The following LYRM4 variants were observed in gnomAD, a reference collection of about 807,000 sequenced individuals.
LYRM4 encodes the protein LYR motif-containing protein 4.
LYRM4 carries 9 observed loss-of-function variants against 11.7 expected under a neutral mutation model. That is an observed-to-expected ratio of 0.77 (90% CI 0.46 to 1.34). The LOEUF is 1.34. Ranked by LOEUF, LYRM4 falls within the 40% of genes most tolerant of loss-of-function variation. LYRM4 has a pLI of 0.00. For missense variants in LYRM4, 133 were observed against 112.5 expected (o/e 1.18, Z -0.82); for synonymous variants, 42 against 40.4 (o/e 1.04, Z -0.15).
At chr6:5,115,794 G>C (rs902231438) in intron 2 of LYRM4, among the ~76,000 whole-genome samples, 1 of 152,078 alleles carries the variant, frequency 6.6e-6, no homozygotes, top group Non-Finnish European at 1.5e-5. Context: ...ATGGCCCTTG[G>C]GGGGAAAAGA....
At chr6:5,086,583 C>A in the LYRM4 span, 1 of 1,477,578 alleles carries the variant, frequency 6.8e-7, no homozygotes, top group Non-Finnish European at 9.0e-7. Flanking sequence ...TTTCGAAGAG[C>A]CGTGGGGCGG....
At chr6:5,103,630 ATT>A (rs59251955), downstream of LYRM4, 13,614 of 117,474 alleles carry the variant, frequency 0.12, 467 homozygotes, top group South Asian at 0.26. Flanking sequence ...TATCTGAGAT[ATT>A]TTTTTTTTTT....
intron 2 of LYRM4, among the ~76,000 whole-genome samples, chr6:5,165,606 G>A (rs931340099): frequency 8.6e-5 from 13 of 151,346 alleles, no homozygotes; most frequent in African/African-American, 1.9e-4. Flanking sequence ...GCAGTGGCGC[G>A]ATCTCGGCTC....
At chr6:5,260,466 G>C (rs1275281205) in intron 1 of LYRM4, among the ~76,000 whole-genome samples, 182 bp downstream of exon 1, 1 of 152,254 alleles carries the variant, frequency 6.6e-6, no homozygotes, top group African/African-American at 2.4e-5. Flanking sequence ...TCCTCCCCGA[G>C]GTCTCAGAGG....
At chr6:5,050,772 C>T in the LYRM4 span, among the ~76,000 whole-genome samples, 1 of 152,086 alleles carries the variant, frequency 6.6e-6, no homozygotes. Flanking sequence ...TTCCAATGTC[C>T]AGTTTTCAGC....
the LYRM4 span, chr6:5,066,730 C>T: frequency 5.0e-6 from 4 of 793,596 alleles, no homozygotes; most frequent in South Asian, 4.6e-5. Context: ...ACGATTTGCG[C>T]CAGGGTCTCA....
the LYRM4 span, among the ~76,000 whole-genome samples, chr6:5,048,037 G>A: frequency 6.6e-6 from 1 of 152,112 alleles, no homozygotes; most frequent in African/African-American, 2.4e-5. Flanking sequence ...ATTAAATTCT[G>A]GGTCATTGAA....
chr6:5,096,891 C>T, the LYRM4 span, among the ~76,000 whole-genome samples: 1 of 152,222 alleles, frequency 6.6e-6, no homozygotes, highest in Non-Finnish European at 1.5e-5. Context: ...GGAAGCATAA[C>T]TGAATCTTCC....
intron 2 of LYRM4, among the ~76,000 whole-genome samples, chr6:5,191,392 C>T (rs1760745511): frequency 1.3e-5 from 2 of 152,152 alleles, no homozygotes; most frequent in Non-Finnish European, 2.9e-5. Flanking sequence ...AGACTGACCC[C>T]ATGTCTCTGA....
intron 2 of LYRM4, among the ~76,000 whole-genome samples, chr6:5,174,155 TTC>T (rs1203733198): frequency 2.6e-5 from 4 of 151,974 alleles, no homozygotes; most frequent in East Asian, 1.9e-4. Context: ...TCTGGAAACA[TTC>T]TCTGTTTTTT....
intron 2 of LYRM4, among the ~76,000 whole-genome samples, chr6:5,162,525 G>GAGAGAGAGAAAA (rs1758829926): frequency 1.3e-5 from 1 of 77,336 alleles, no homozygotes; most frequent in South Asian, 4.4e-4. Flanking sequence ...GAGAGAGAAA[G>GAGAGAGAGAAAA]AGAAAGACAG....
At chr6:5,102,122 T>C (rs1762525229), downstream of LYRM4, among the ~76,000 whole-genome samples, 1 of 151,804 alleles carries the variant, frequency 6.6e-6, no homozygotes, top group Non-Finnish European at 1.5e-5. Context: ...ATGTTTTATA[T>C]TTTCAGTAGT....
At chr6:5,104,346 C>T (rs1762597971), downstream of LYRM4, 1 of 152,084 alleles carries the variant, frequency 6.6e-6, no homozygotes, top group South Asian at 2.1e-4. Flanking sequence ...GCGATCATGG[C>T]TCACTGCAAC....
chr6:5,220,990 C>A (rs1405317037), intron 1 of LYRM4, among the ~76,000 whole-genome samples: 1 of 152,112 alleles, frequency 6.6e-6, no homozygotes, highest in Non-Finnish European at 1.5e-5. Flanking sequence ...GCCACCATGA[C>A]CTGCTAATTT....
chr6:5,067,125 T>C, the LYRM4 span: 1 of 246,044 alleles, frequency 4.1e-6, no homozygotes, highest in Non-Finnish European at 7.7e-6. Flanking sequence ...AAAGTATTAA[T>C]TTCTTTGCTA....
chr6:5,260,758 G>T lies in LYRM4; in HGVS notation c.-25C>A. On this transcript the variant is annotated 5_prime_UTR_variant, in exon 1 of 3. Transcript: ENST00000330636. ...TTTTGGAAAGAAAAAAAAATAAACG[G>T]GTCCTCTTCGCCGAGGTCCCAAGTA... 6.5e-7 allele frequency: 1 copy of T among 1,540,200 alleles called. No individual in the cohort carries two copies. Among genetic ancestry groups the T allele is most frequent in the Non-Finnish European group, 8.7e-7 (1 of 1,146,596 alleles).
At position 5,144,207 on chromosome 6, in the gene LYRM4, A is replaced by G; in HGVS notation, c.208-34716T>C. On this transcript the variant is annotated intron_variant, in intron 2 of 2. Coordinates refer to ENST00000330636, the MANE Select transcript of LYRM4 (RefSeq NM_020408.6). ...AGGCCAACTTGTGCAGGGCTTCCCC[A>G]GGCTCCGGCTGCTGTTCCCCGACTT... The G allele has an allele frequency of 2.0e-6, 3 of 1,536,940 alleles. No individual in the cohort carries two copies. The South Asian group carries it at 3.6e-5, about 18-fold the overall frequency.
intron 2 of LYRM4, among the ~76,000 whole-genome samples, chr6:5,115,182 T>C (rs1182978309): frequency 6.6e-6 from 1 of 152,246 alleles, no homozygotes; most frequent in African/African-American, 2.4e-5. Context: ...TATAACCTTT[T>C]ATTAAATCTG....
intron 2 of LYRM4, among the ~76,000 whole-genome samples, chr6:5,161,678 TA>T (rs1052913483): frequency 1.3e-5 from 2 of 152,162 alleles, no homozygotes; most frequent in African/African-American, 4.8e-5. Flanking sequence ...AAATAAAAAT[TA>T]AAACAGCTCC....
Sources: gnomAD v4.1 joint callset for allele counts (sites outside exome capture counted in the v4.1 genomes callset) on GRCh38, gnomAD v4.1.1 for gene constraint, MANE v1.5 for transcripts, NCBI Gene and HGNC (gene_info 2026-07-23, HGNC 2026-07-21) for gene names.